Variants in LEPR observed in about 807,000 individuals in gnomAD.
LEPR encodes OB receptor.
Under a neutral mutation model 114.7 loss-of-function variants are expected in LEPR, and 56 were observed. The observed-to-expected ratio is 0.49, with a 90% CI of 0.39 to 0.61. The LOEUF (loss-of-function observed/expected upper bound fraction) is 0.61, where lower values mean the gene tolerates loss of function less well. Ranked by LOEUF, LEPR falls within the 20% of genes least tolerant of loss-of-function variation. The probability of loss-of-function intolerance (pLI) is 0.00; values close to 1 mark genes in which losing one functional copy is unlikely to be tolerated. For missense variants in LEPR, 1,202 were observed against 1,352.9 expected (o/e 0.89, Z 1.75); for synonymous variants, 443 against 461.4 (o/e 0.96, Z 0.51).
At chr1:65,536,981 G>T (rs1462629256) in intron 2 of LEPR, among the ~76,000 whole-genome samples, 1 of 152,010 alleles carries the variant, frequency 6.6e-6, no homozygotes, top group Non-Finnish European at 1.5e-5. Context: ...TTGTCCAGTT[G>T]GTCATTAAGA....
At chr1:65,509,010 T>A (rs1254928860) in intron 2 of LEPR, among the ~76,000 whole-genome samples, 2 of 152,176 alleles carry the variant, frequency 1.3e-5, no homozygotes, top group African/African-American at 4.8e-5. Flanking sequence ...TCTATAGGAA[T>A]GCTACTGATT....
In LEPR at chr1:65,621,421, A is replaced by G. The variant is rs777404457; in HGVS notation, c.2560A>G (p.Ile854Val). The change falls in exon 18 of 20, where the codon ATC becomes GTC. Residue 854 changes from isoleucine to valine, a missense_variant. Coordinates refer to ENST00000349533, the MANE Select transcript of LEPR (RefSeq NM_002303.6). Reference sequence around the variant, plus strand: ...TGTGCCAGTAATTATTTCCTCTTCCATCTTATTGCTTGGAACATTATTAAT... The same window carrying G: ...TGTGCCAGTAATTATTTCCTCTTCCGTCTTATTGCTTGGAACATTATTAAT... ...VIVPVIISSS[I>V]LLLGTLLISH... 1.6e-5 allele frequency: 26 copies of G among 1,613,408 alleles called. No homozygotes were observed. In the South Asian group the frequency reaches 2.5e-4, roughly 16 times the overall value.
At chr1:65,592,948 C>A in intron 6 of LEPR, 83 bp downstream of exon 6, 1 of 1,443,292 alleles carries the variant, frequency 6.9e-7, no homozygotes, top group South Asian at 1.2e-5. Flanking sequence ...AAAATATTTG[C>A]TAGCTTATCT....
intron 17 of LEPR, among the ~76,000 whole-genome samples, chr1:65,620,532 A>C (rs751940311): frequency 6.6e-6 from 1 of 152,200 alleles, no homozygotes; most frequent in Non-Finnish European, 1.5e-5. Flanking sequence ...ATAATGTCAG[A>C]TAGAAATAAG....
chr1:65,572,580 C>T (rs1654277906), intron 5 of LEPR, 131 bp downstream of exon 5: 5 of 966,738 alleles, frequency 5.2e-6, no homozygotes, highest in South Asian at 1.8e-5. Context: ...TTTAATATAG[C>T]ATTCTGCTCT....
At chr1:65,574,179 T>C (rs915606948) in intron 5 of LEPR, among the ~76,000 whole-genome samples, 1 of 152,110 alleles carries the variant, frequency 6.6e-6, no homozygotes, top group Non-Finnish European at 1.5e-5. Flanking sequence ...AGGAAGTAGA[T>C]AGCTGAGTTG....
chr1:65,583,279 A>G (rs1305672598), intron 5 of LEPR, among the ~76,000 whole-genome samples: 1 of 152,202 alleles, frequency 6.6e-6, no homozygotes, highest in African/African-American at 2.4e-5. Context: ...GCAGGAGCAT[A>G]CAGAAAAACT....
intron 2 of LEPR, among the ~76,000 whole-genome samples, chr1:65,494,902 A>G (rs1648072937): frequency 6.6e-6 from 1 of 152,142 alleles, no homozygotes; most frequent in African/African-American, 2.4e-5. Flanking sequence ...TAAAAAGATA[A>G]TTATCTCAAA....
At chr1:65,421,223 T>C (rs1646243455) in intron 1 of LEPR, 1 of 1,231,322 alleles carries the variant, frequency 8.1e-7, no homozygotes, top group African/African-American at 1.5e-5. Flanking sequence ...CGGGCGGGTG[T>C]CAATGGAAAG....
intron 16 of LEPR, among the ~76,000 whole-genome samples, chr1:65,618,680 T>TTATCA (rs370264575): frequency 4.8e-4 from 73 of 152,176 alleles, no homozygotes; most frequent in East Asian, 1.3e-3. Context: ...TATACAGGGG[T>TTATCA]TATCATATCA....
intron 2 of LEPR, among the ~76,000 whole-genome samples, chr1:65,478,765 T>G (rs181526593): frequency 6.6e-6 from 1 of 152,292 alleles, no homozygotes; most frequent in East Asian, 1.9e-4. Flanking sequence ...TCAGCGCCAG[T>G]GAATCTACCC....
At chr1:65,498,093 A>G (rs1648255678) in intron 2 of LEPR, among the ~76,000 whole-genome samples, 1 of 152,164 alleles carries the variant, frequency 6.6e-6, no homozygotes, top group East Asian at 1.9e-4. Flanking sequence ...TAGTGGTATA[A>G]TTAATTTCCC....
chr1:65,639,631 T>C lies in LEPR; in HGVS notation c.*2616T>C, dbSNP rs934868842. ...GAAGGAGGAGCTGAAATAGGGGCTA[T>C]GGTCTTTTAAACTTATAAATCTGGA... is the stretch of plus-strand genomic sequence containing the variant. On this transcript the variant is annotated 3_prime_UTR_variant, in exon 20 of 20. Transcript: ENST00000349533. 3 of 152,206 alleles carry C rather than the reference T, an allele frequency of 2.0e-5. No homozygotes were observed. Among genetic ancestry groups the C allele is most frequent in the African/African-American group, 7.2e-5 (3 of 41,454 alleles). 9.4% of individuals were successfully genotyped at this position (152,206 alleles called of 1,614,324 possible). A position where few individuals can be genotyped will look rare whatever the true frequency, so the allele number is the denominator to read the frequency against.
At chr1:65,421,004 C>T (rs1444454133) in intron 1 of LEPR, among the ~76,000 whole-genome samples, 1 of 152,166 alleles carries the variant, frequency 6.6e-6, no homozygotes, top group Non-Finnish European at 1.5e-5. Flanking sequence ...CCAGCCTGAG[C>T]CCTCGGCGAG....
At chr1:65,606,654 C>G (rs1049184355) in intron 11 of LEPR, among the ~76,000 whole-genome samples, 1 of 151,814 alleles carries the variant, frequency 6.6e-6, no homozygotes, top group African/African-American at 2.4e-5. Flanking sequence ...ATATTCACTG[C>G]CAGTCTGCAG....
intron 5 of LEPR, among the ~76,000 whole-genome samples, chr1:65,575,247 A>G (rs1030442550): frequency 2.6e-5 from 4 of 152,152 alleles, no homozygotes; most frequent in Admixed American, 1.3e-4. Context: ...GAGGAGAACT[A>G]TGGTTTGCAG....
intron 2 of LEPR, among the ~76,000 whole-genome samples, chr1:65,461,885 ACAT>A (rs1646950397): frequency 1.3e-5 from 2 of 152,288 alleles, no homozygotes; most frequent in South Asian, 4.1e-4. Context: ...CAAACCCCAA[ACAT>A]CAGCCTAATC....
intron 2 of LEPR, among the ~76,000 whole-genome samples, chr1:65,532,496 G>A (rs1440904226): frequency 6.6e-6 from 1 of 152,084 alleles, no homozygotes; most frequent in African/African-American, 2.4e-5. Context: ...TACCTAAGAT[G>A]GATGAAAATA....
intron 8 of LEPR, among the ~76,000 whole-genome samples, chr1:65,600,360 TTGATTATG>T (rs1570788992): frequency 6.6e-6 from 1 of 152,108 alleles, no homozygotes; most frequent in East Asian, 1.9e-4. Flanking sequence ...CTGTTTCTAT[TTGATTATG>T]GACATACAAA....
Sources: allele counts gnomAD v4.1 joint callset (sites outside exome capture counted in the v4.1 genomes callset), GRCh38; gene constraint gnomAD v4.1.1; transcripts MANE v1.5; gene names NCBI Gene and HGNC (gene_info 2026-07-23, HGNC 2026-07-21).